The following SGCZ variants were observed in gnomAD, a reference collection of about 807,000 sequenced individuals.
SGCZ encodes the protein sarcoglycan zeta, also known as zeta-sarcoglycan.
In SGCZ, 40 loss-of-function variants were observed where a neutral mutation model predicts 41.3. The observed-to-expected ratio is 0.97, with a 90% CI of 0.75 to 1.26. SGCZ has a LOEUF of 1.26. SGCZ is among the 50% of genes most tolerant of loss of function. SGCZ has a pLI of 0.00. For synonymous variants in SGCZ, 206 were observed against 137.5 expected, an observed-to-expected ratio of 1.50 and a Z score of -3.49; for missense variants, 552 against 369.8, an observed-to-expected ratio of 1.49 and a Z score of -4.04.
At chr8:14,869,355 A>T (rs930987586) in intron 1 of SGCZ, among the ~76,000 whole-genome samples, 2 of 152,194 alleles carry the variant, frequency 1.3e-5, no homozygotes, top group Admixed American at 6.5e-5. Context: ...TTATCTCAAT[A>T]GATGCAGAAA....
At chr8:15,053,479 C>G (rs890972467) in intron 1 of SGCZ, among the ~76,000 whole-genome samples, 3 of 152,130 alleles carry the variant, frequency 2.0e-5, no homozygotes, top group Non-Finnish European at 4.4e-5. Flanking sequence ...AATCCTGGTC[C>G]TGTGCATCCA....
chr8:14,796,655 G>C (rs1801140846), intron 1 of SGCZ, among the ~76,000 whole-genome samples: 2 of 152,118 alleles, frequency 1.3e-5, no homozygotes, highest in African/African-American at 4.8e-5. Flanking sequence ...CTTATTTTGA[G>C]AATGAATAAG....
In SGCZ at chr8:14,579,346, C is replaced by A. The variant is rs17119844; in HGVS notation, c.40-24420G>T. On this transcript the variant is annotated intron_variant, in intron 1 of 7. Transcript: ENST00000382080. ...ATGAATGTAAATTATAAAACAGAAACCTTAATCAGAAATGCATGTTCTCAT... is the reference window on the plus strand; with the variant it reads ...ATGAATGTAAATTATAAAACAGAAAACTTAATCAGAAATGCATGTTCTCAT... Among the ~76,000 whole-genome samples, 58 of 152,174 alleles carry A rather than the reference C, an allele frequency of 3.8e-4. 1 individual carries two copies. Among genetic ancestry groups the A allele is most frequent in the East Asian group, 2.1e-3 (11 of 5,180 alleles).
chr8:15,071,845 C>A (rs999153068), intron 1 of SGCZ, among the ~76,000 whole-genome samples: 7 of 152,116 alleles, frequency 4.6e-5, no homozygotes, highest in African/African-American at 1.7e-4. Context: ...GGAGAAGTGA[C>A]TGAAACAGAG....
At chr8:14,287,458 C>T (rs143875129) in intron 3 of SGCZ, among the ~76,000 whole-genome samples, 2 of 151,888 alleles carry the variant, frequency 1.3e-5, no homozygotes, top group East Asian at 3.9e-4. Context: ...AAAAGTGGCC[C>T]CAAGGTTTAC....
At chr8:14,358,306 A>G (rs904204884) in intron 2 of SGCZ, among the ~76,000 whole-genome samples, 2 of 152,208 alleles carry the variant, frequency 1.3e-5, no homozygotes, top group African/African-American at 4.8e-5. Flanking sequence ...CGATGCAGAA[A>G]GGGTTTAGTG....
intron 5 of SGCZ, among the ~76,000 whole-genome samples, chr8:14,109,937 T>G (rs1472254526): frequency 6.6e-6 from 1 of 152,204 alleles, no homozygotes; most frequent in Non-Finnish European, 1.5e-5. Flanking sequence ...TTAATGGGCT[T>G]AATAGTGTTC....
At chr8:14,366,303 G>T (rs1803705661) in intron 2 of SGCZ, among the ~76,000 whole-genome samples, 1 of 152,098 alleles carries the variant, frequency 6.6e-6, no homozygotes, top group Non-Finnish European at 1.5e-5. Context: ...CAGGAGCAAA[G>T]GCCCATCATA....
intron 1 of SGCZ, among the ~76,000 whole-genome samples, chr8:14,708,131 A>T (rs927183107): frequency 6.6e-6 from 1 of 151,934 alleles, no homozygotes; most frequent in African/African-American, 2.4e-5. Context: ...TTTAATTTAA[A>T]TTTTAATTAA....
chr8:14,996,643 G>A (rs976162489), intron 1 of SGCZ, among the ~76,000 whole-genome samples: 4 of 152,154 alleles, frequency 2.6e-5, no homozygotes, highest in African/African-American at 9.7e-5. Flanking sequence ...TAACCAAGAG[G>A]CTGTGTATTC....
intron 3 of SGCZ, among the ~76,000 whole-genome samples, chr8:14,257,864 C>T (rs1799518877): frequency 6.6e-6 from 1 of 152,042 alleles, no homozygotes; most frequent in Non-Finnish European, 1.5e-5. Context: ...AGCTTTGTTT[C>T]TTTTAATTAC....
intron 1 of SGCZ, among the ~76,000 whole-genome samples, chr8:14,602,662 T>C (rs907653710): frequency 6.6e-6 from 1 of 152,212 alleles, no homozygotes; most frequent in Non-Finnish European, 1.5e-5. Flanking sequence ...CTCTATACCT[T>C]AGCTGATATT....
intron 1 of SGCZ, among the ~76,000 whole-genome samples, chr8:14,682,779 T>C (rs1287779129): frequency 6.6e-6 from 1 of 152,186 alleles, no homozygotes; most frequent in Non-Finnish European, 1.5e-5. Flanking sequence ...GCAGAATACT[T>C]TACCTTAAAC....
intron 1 of SGCZ, among the ~76,000 whole-genome samples, chr8:14,613,630 G>T (rs1806000193): frequency 6.6e-6 from 1 of 151,972 alleles, no homozygotes. Context: ...AATTTGCAGG[G>T]GTATACGCCA....
chr8:14,155,138 G>C (rs1278994553), intron 5 of SGCZ, among the ~76,000 whole-genome samples: 1 of 152,260 alleles, frequency 6.6e-6, no homozygotes, highest in East Asian at 1.9e-4. Flanking sequence ...GAATCACGTG[G>C]TATACACAGC....
At chr8:14,341,698 G>A (rs1252417560) in intron 2 of SGCZ, among the ~76,000 whole-genome samples, 1 of 152,112 alleles carries the variant, frequency 6.6e-6, no homozygotes, top group Admixed American at 6.6e-5. Context: ...TTGAATCATG[G>A]GGGCCAGTCA....
At chr8:14,706,241 C>G (rs1809329074) in intron 1 of SGCZ, among the ~76,000 whole-genome samples, 1 of 151,914 alleles carries the variant, frequency 6.6e-6, no homozygotes, top group African/African-American at 2.4e-5. Context: ...ATCACACTGC[C>G]CTTTTTAAAA....
intron 4 of SGCZ, among the ~76,000 whole-genome samples, chr8:14,172,595 A>C (rs2117003338): frequency 6.6e-6 from 1 of 152,188 alleles, no homozygotes; most frequent in African/African-American, 2.4e-5. Context: ...TGTCTTTCAG[A>C]TATTAGACAA....
intron 1 of SGCZ, among the ~76,000 whole-genome samples, chr8:14,735,457 C>T (rs140162713): frequency 5.9e-5 from 9 of 152,272 alleles, no homozygotes; most frequent in Non-Finnish European, 1.2e-4. Flanking sequence ...ATGCTTCCTG[C>T]CCTTGGGCAT....
Sources: gnomAD v4.1 joint callset for allele counts (sites outside exome capture counted in the v4.1 genomes callset) on GRCh38, gnomAD v4.1.1 for gene constraint, MANE v1.5 for transcripts, NCBI Gene and HGNC (gene_info 2026-07-23, HGNC 2026-07-21) for gene names.